Variants in SLC36A4 observed in about 807,000 individuals in gnomAD.
SLC36A4 encodes the protein neutral amino acid uniporter 4.
Under a neutral mutation model 50.5 loss-of-function variants are expected in SLC36A4, and 49 were observed. That is an observed-to-expected ratio of 0.97 (90% CI 0.77 to 1.23). The LOEUF (loss-of-function observed/expected upper bound fraction) is 1.23, where lower values mean the gene tolerates loss of function less well. Among genes scored for constraint, SLC36A4 ranks in the 50% most tolerant of loss-of-function variants. The probability of loss-of-function intolerance (pLI) is 0.00; values close to 1 mark genes in which losing one functional copy is unlikely to be tolerated. For missense variants in SLC36A4, 611 were observed against 608.4 expected (o/e 1.00, Z -0.05); for synonymous variants, 207 against 206.5 (o/e 1.00, Z -0.02).
chr11:93,176,965 G>A (rs184703837), intron 6 of SLC36A4, among the ~76,000 whole-genome samples: 22 of 152,160 alleles, frequency 1.4e-4, no homozygotes, highest in Non-Finnish European at 2.4e-4. Flanking sequence ...CCTTTGTGGC[G>A]TTCTCTGTAT....
chr11:93,197,407 T>C (rs1157844559), intron 1 of SLC36A4: 2 of 316,222 alleles, frequency 6.3e-6, no homozygotes, highest in Non-Finnish European at 1.2e-5. Flanking sequence ...GCTGCAGCAT[T>C]TGAAAAGCAG....
chr11:93,171,806 G>A (rs1015504050), intron 6 of SLC36A4: 8 of 152,022 alleles, frequency 5.3e-5, no homozygotes, highest in Admixed American at 2.6e-4. Flanking sequence ...CTAGGAATAT[G>A]CAATTTGTAG....
chr11:93,185,943 T>C, intron 1 of SLC36A4, 129 bp from the exon 2 acceptor site: 1 of 718,754 alleles, frequency 1.4e-6, no homozygotes, highest in Non-Finnish European at 2.1e-6. Context: ...CTAAGTTAGT[T>C]CATACTAATA....
At chr11:93,187,196 C>A (rs12365990) in intron 1 of SLC36A4, among the ~76,000 whole-genome samples, 26,880 of 152,104 alleles carry the variant, frequency 0.18, 2,841 homozygotes, top group East Asian at 0.42. Flanking sequence ...AATCTGATGG[C>A]AGACTAATTT....
intron 3 of SLC36A4, 23 bp downstream of exon 3, chr11:93,184,407 G>A: frequency 7.0e-7 from 1 of 1,426,250 alleles, no homozygotes; most frequent in Non-Finnish European, 9.9e-7. Context: ...ATCTTAACTG[G>A]TGATTACAAA....
At chr11:93,182,700 C>T (rs139481747) in intron 4 of SLC36A4, 106 bp downstream of exon 4, 430 of 667,128 alleles carry the variant, frequency 6.4e-4, no homozygotes, top group African/African-American at 4.5e-3. Context: ...GATTTATCTA[C>T]GTAAAAGCTT....
chr11:93,152,719 A>AC (rs1456219516), intron 10 of SLC36A4: 6 of 151,802 alleles, frequency 4.0e-5, no homozygotes, highest in Admixed American at 1.3e-4. Context: ...AAAATCCTAG[A>AC]CCCCTTTTCC....
chr11:93,180,891 GA>G lies in SLC36A4; in HGVS notation c.456-11del. The G allele has an allele frequency of 6.3e-7, 1 of 1,588,484 alleles. No individual in the cohort carries two copies. Among genetic ancestry groups the G allele is most frequent in the Non-Finnish European group, 8.6e-7 (1 of 1,157,408 alleles). On this transcript the variant is annotated splice_polypyrimidine_tract_variant and intron_variant, in intron 5 of 10. Transcript: ENST00000326402. The stretch of plus-strand genomic sequence containing the variant: ...AAAGTCAACCACACTCCTGAAAAAA[GA>G]TATCCACAAATGAGTATCCAGGAGA...
chr11:93,196,030 A>T (rs1001563443), intron 1 of SLC36A4, among the ~76,000 whole-genome samples: 1 of 152,230 alleles, frequency 6.6e-6, no homozygotes, highest in African/African-American at 2.4e-5. Context: ...CATTAAGAAC[A>T]GGAATTTTTA....
intron 9 of SLC36A4, chr11:93,159,952 G>C: frequency 1.0e-6 from 1 of 985,406 alleles, no homozygotes; most frequent in Non-Finnish European, 1.2e-6. Context: ...TCTTGTAACA[G>C]TCATTGGCTT....
chr11:93,182,013 T>C (rs1437563406), intron 4 of SLC36A4, among the ~76,000 whole-genome samples: 1 of 152,128 alleles, frequency 6.6e-6, no homozygotes, highest in Non-Finnish European at 1.5e-5. Flanking sequence ...TTTTATCTAC[T>C]GCTAAAGTTT....
At chr11:93,170,029 ATTTTAGCAT>A (rs1391597659) in intron 6 of SLC36A4, 2 of 152,046 alleles carry the variant, frequency 1.3e-5, no homozygotes, top group Non-Finnish European at 2.9e-5. Context: ...CAAATATAGT[ATTTTAGCAT>A]TTTTGGCAGA....
chr11:93,169,403 G>A (rs1432961757), intron 6 of SLC36A4, among the ~76,000 whole-genome samples: 1 of 152,106 alleles, frequency 6.6e-6, no homozygotes, highest in African/African-American at 2.4e-5. Context: ...CCAGAAAGGA[G>A]GGCCCTGCCC....
At chr11:93,186,257 T>C (rs550396651) in intron 1 of SLC36A4, among the ~76,000 whole-genome samples, 1 of 152,332 alleles carries the variant, frequency 6.6e-6, no homozygotes, top group African/African-American at 2.4e-5. Context: ...GTATCAAAAT[T>C]TGCCCTTTAC....
rs1859934329 is a variant in SLC36A4 at position 93,148,563 on chromosome 11, T to C, written c.1489A>G (p.Thr497Ala). Reference sequence around the variant, plus strand: ...TATTTCAAACCAGATGTTAAGCATGTTGAATTCAAATTTAGAAAAGGACTC... The same window carrying C: ...TATTTCAAACCAGATGTTAAGCATGCTGAATTCAAATTTAGAAAAGGACTC... ...PQSPFLNLNSTCLTSGLK is the reference protein window; with the variant it reads ...PQSPFLNLNSACLTSGLK Residue 497 changes from threonine to alanine, a missense_variant, in exon 11 of 11, where the codon ACA becomes GCA. Thr to Ala is a moderately conservative substitution (Grantham distance 58, BLOSUM62 0). Transcript: ENST00000326402. 3 of 1,610,978 alleles carry C rather than the reference T, an allele frequency of 1.9e-6. No homozygotes were observed. Among genetic ancestry groups the C allele is most frequent in the South Asian group, 1.1e-5 (1 of 90,438 alleles).
intron 9 of SLC36A4, chr11:93,155,163 C>T (rs2134633605): frequency 6.6e-6 from 1 of 152,068 alleles, no homozygotes; most frequent in East Asian, 1.9e-4. Flanking sequence ...AATTAATATG[C>T]TGTATTTAAA....
rs1490457216 is a variant in SLC36A4, at chr11:93,191,166, T to G, written c.56-5352A>C. ...GAGTCAACTAGTCATTTATAACTTT[T>G]AGAAGCTCCAGGTAATACTATATAT... On this transcript the variant is annotated intron_variant, in intron 1 of 10. Transcript: ENST00000326402. Among the ~76,000 whole-genome samples, 6 of 152,228 alleles carry G rather than the reference T, an allele frequency of 3.9e-5. No individual in the cohort carries two copies. The East Asian group carries it at 1.2e-3, about 29-fold the overall frequency.
Position 93,197,769 on chromosome 11 carries a change from A to G in SLC36A4, c.55+9T>C. 1 of 1,589,120 alleles carries G rather than the reference A, an allele frequency of 6.3e-7. No homozygotes were observed. The highest frequency in any genetic ancestry group is 1.4e-5 in the African/African-American group (1 of 73,298). ...CAGCCCCGGCTCCCTGCCCACGCAC[A>G]ACACCGACCTAGCTCCTCGCGCCTC... is the stretch of plus-strand genomic sequence containing the variant. On this transcript the variant is annotated intron_variant, in intron 1 of 10. Coordinates refer to ENST00000326402, the MANE Select transcript of SLC36A4 (RefSeq NM_152313.4).
chr11:93,154,479 A>G, intron 9 of SLC36A4: 1 of 279,468 alleles, frequency 3.6e-6, no homozygotes, highest in Non-Finnish European at 6.6e-6. Context: ...CATTTTCACA[A>G]GACTGGAAAG....
Sources: gnomAD v4.1 joint callset for allele counts (sites outside exome capture counted in the v4.1 genomes callset) on GRCh38, gnomAD v4.1.1 for gene constraint, MANE v1.5 for transcripts, NCBI Gene and HGNC (gene_info 2026-07-23, HGNC 2026-07-21) for gene names.